The following SUMF1 variants were observed in gnomAD, a reference collection of about 807,000 sequenced individuals.
SUMF1 encodes sulfatase modifying factor 1.
Under a neutral mutation model 47.6 loss-of-function variants are expected in SUMF1, and 48 were observed. That is an observed-to-expected ratio of 1.01 (90% confidence interval 0.80 to 1.28). The LOEUF (loss-of-function observed/expected upper bound fraction) is 1.28, where lower values mean the gene tolerates loss of function less well. SUMF1 is among the 50% of genes most tolerant of loss of function. The probability of loss-of-function intolerance (pLI) is 0.00; values close to 1 mark genes in which losing one functional copy is unlikely to be tolerated. For synonymous variants in SUMF1, 230 were observed against 192.1 expected (o/e 1.20, Z -1.63); for missense variants, 571 against 485.4 (o/e 1.18, Z -1.66).
intron 8 of SUMF1, among the ~76,000 whole-genome samples, chr3:4,253,410 G>C (rs568427780): frequency 6.6e-6 from 1 of 152,208 alleles, no homozygotes; most frequent in African/African-American, 2.4e-5. Flanking sequence ...TGCGTGCACC[G>C]TGCACGAGCG....
intron 8 of SUMF1, among the ~76,000 whole-genome samples, chr3:4,352,946 T>C (rs747489289): frequency 6.6e-6 from 1 of 152,174 alleles, no homozygotes; most frequent in Non-Finnish European, 1.5e-5. Context: ...AAGGCTGTCA[T>C]TTTCTCCCAA....
At chr3:4,303,771 T>C in intron 8 of SUMF1, 1 of 1,452,404 alleles carries the variant, frequency 6.9e-7, no homozygotes, top group Non-Finnish European at 9.2e-7. Flanking sequence ...CCGGAGGCCT[T>C]GTGAGAACCT....
At chr3:4,090,596 G>A (rs1442055465) in intron 8 of SUMF1, among the ~76,000 whole-genome samples, 1 of 152,062 alleles carries the variant, frequency 6.6e-6, no homozygotes, top group African/African-American at 2.4e-5. Context: ...ATATACAGAT[G>A]CCTGACAACA....
At chr3:4,290,850 C>T (rs764677987) in intron 8 of SUMF1, among the ~76,000 whole-genome samples, 2 of 152,098 alleles carry the variant, frequency 1.3e-5, no homozygotes, top group African/African-American at 2.4e-5. Context: ...AGAAAGCTTG[C>T]AAGCTGGTTG....
chr3:4,159,567 T>C lies in SUMF1; in HGVS notation c.1015-90822A>G, dbSNP rs1202103713. On this transcript the variant is annotated intron_variant and NMD_transcript_variant, in intron 8 of 12. Coordinates refer to the SUMF1 transcript ENST00000448413. ...ATCTTTTCATCTTTCTACTTAGATATGAATAGTTCATACACCACAATTACA... is the reference window on the plus strand; with the variant it reads ...ATCTTTTCATCTTTCTACTTAGATACGAATAGTTCATACACCACAATTACA... Among the ~76,000 whole-genome samples the C allele has an allele frequency of 2.0e-5, 3 of 152,230 alleles. No homozygotes were observed. The East Asian group carries it at 5.8e-4, about 29-fold the overall frequency.
intron 8 of SUMF1, among the ~76,000 whole-genome samples, chr3:4,080,179 G>A (rs73806860): frequency 0.017 from 2,560 of 152,168 alleles, 84 homozygotes; most frequent in African/African-American, 0.055. Context: ...AATCACTCCA[G>A]TATTCCTTGC....
chr3:4,058,528 G>C (rs1446351928), intron 9 of SUMF1, among the ~76,000 whole-genome samples: 1 of 152,138 alleles, frequency 6.6e-6, no homozygotes, highest in Non-Finnish European at 1.5e-5. Flanking sequence ...CCACACAGAA[G>C]GGGGCAGGAA....
chr3:4,438,231 A>AC (rs984078043), intron 3 of SUMF1, among the ~76,000 whole-genome samples: 1 of 2,572 alleles, frequency 3.9e-4, no homozygotes, highest in African/African-American at 5.1e-4. Flanking sequence ...TATAAGAGCA[A>AC]AAAAAAAAAA....
chr3:4,311,599 T>A (rs190564657), intron 8 of SUMF1, among the ~76,000 whole-genome samples: 192 of 152,312 alleles, frequency 1.3e-3, no homozygotes, highest in South Asian at 2.3e-3. Flanking sequence ...ATGAGATTAT[T>A]CCTTACAGGC....
intron 7 of SUMF1, among the ~76,000 whole-genome samples, chr3:4,407,097 C>T (rs1478383484): frequency 1.3e-5 from 2 of 151,942 alleles, no homozygotes; most frequent in African/African-American, 2.4e-5. Context: ...CACACACACA[C>T]ACACACACAC....
chr3:4,277,627 C>A (rs931835178), intron 8 of SUMF1, among the ~76,000 whole-genome samples: 3 of 152,072 alleles, frequency 2.0e-5, no homozygotes, highest in Non-Finnish European at 4.4e-5. Flanking sequence ...CGTTTATAAT[C>A]TTTACATCTA....
chr3:4,421,456 C>T (rs1701894550), intron 3 of SUMF1, among the ~76,000 whole-genome samples: 1 of 152,112 alleles, frequency 6.6e-6, no homozygotes, highest in African/African-American at 2.4e-5. Context: ...ATCATTGTTG[C>T]TAATACTAGC....
chr3:4,317,314 C>G (rs1698706405), intron 8 of SUMF1: 1 of 969,626 alleles, frequency 1.0e-6, no homozygotes, highest in African/African-American at 1.6e-5. Flanking sequence ...TAGTTTTGCA[C>G]CAACCCAATA....
In SUMF1 at chr3:4,397,598, T is replaced by C. The variant is rs73809538; in HGVS notation, c.954+13267A>G. Among the ~76,000 whole-genome samples, 557 of 152,314 alleles carry C rather than the reference T, an allele frequency of 3.7e-3. 5 individuals are homozygous for C. The highest frequency in any genetic ancestry group is 0.013 in the African/African-American group (522 of 41,584). On this transcript the variant is annotated intron_variant, in intron 7 of 8. Coordinates refer to ENST00000272902, the MANE Select transcript of SUMF1 (RefSeq NM_182760.4). ...TCAGAGAACCACTTGAAGACTTCCA[T>C]GATTTTATTTGGACGTTTTGAAAGT...
chr3:4,238,944 T>C (rs184635438), intron 8 of SUMF1, among the ~76,000 whole-genome samples: 14 of 152,310 alleles, frequency 9.2e-5, no homozygotes, highest in Admixed American at 4.6e-4. Context: ...CTTGGGTTAA[T>C]TTTTCTATAA....
chr3:4,121,689 T>C (rs895395338), intron 8 of SUMF1, among the ~76,000 whole-genome samples: 1 of 152,182 alleles, frequency 6.6e-6, no homozygotes, highest in Non-Finnish European at 1.5e-5. Context: ...TAAGTGCCTA[T>C]ATATGCATGT....
intron 8 of SUMF1, among the ~76,000 whole-genome samples, chr3:4,275,041 C>T (rs1198203971): frequency 6.6e-6 from 1 of 152,062 alleles, no homozygotes; most frequent in Non-Finnish European, 1.5e-5. Context: ...GATGCATCTC[C>T]GTGTCTCCCA....
chr3:4,092,721 G>T (rs866415862), intron 8 of SUMF1, among the ~76,000 whole-genome samples: 3 of 152,036 alleles, frequency 2.0e-5, no homozygotes, highest in Non-Finnish European at 2.9e-5. Context: ...TGTATATCGG[G>T]GGTGGAGTAG....
chr3:4,204,763 T>TAA (rs1559563005), intron 8 of SUMF1, among the ~76,000 whole-genome samples: 1 of 152,130 alleles, frequency 6.6e-6, no homozygotes, highest in Non-Finnish European at 1.5e-5. Flanking sequence ...ATTCAGCTGT[T>TAA]AAGACACACT....
Sources: gnomAD v4.1 joint callset for allele counts (sites outside exome capture counted in the v4.1 genomes callset) on GRCh38, gnomAD v4.1.1 for gene constraint, MANE v1.5 for transcripts, NCBI Gene and HGNC (gene_info 2026-07-23, HGNC 2026-07-21) for gene names.